SLC4A7: variants seen among roughly 807,000 people sequenced by gnomAD.
SLC4A7 encodes sodium bicarbonate cotransporter 3.
In SLC4A7, 51 loss-of-function variants were observed where a neutral mutation model predicts 137.6. The ratio of observed to expected loss-of-function variants is 0.37; its 90% CI spans 0.30 to 0.47. The LOEUF (loss-of-function observed/expected upper bound fraction) is 0.47, where lower values mean the gene tolerates loss of function less well. Among genes scored for constraint, SLC4A7 ranks in the 20% least tolerant of loss-of-function variants. The pLI, the probability that SLC4A7 is intolerant of heterozygous loss-of-function variation, is 1.00. For synonymous variants in SLC4A7, 542 were observed against 518.6 expected (o/e 1.05, Z -0.61); for missense variants, 1,247 against 1,525.4 (o/e 0.82, Z 3.04).
intron 4 of SLC4A7, 112 bp downstream of exon 4, chr3:27,437,276 G>A: frequency 1.9e-6 from 1 of 522,718 alleles, no homozygotes; most frequent in South Asian, 5.5e-5. Context: ...ACTTGAACCT[G>A]GGAGGCAGAA....
In SLC4A7 at chr3:27,424,121, T is replaced by C. The variant is rs202237866; in HGVS notation, c.1182A>G (p.Gly394=). ...CTCCACTTTTACTATTGTCCAAGTT[T>C]CCAGGAGCAGACTGGGGAGAGGCCA... ...GILASPQSAP[G]NLDNSKSGEI... Residue 394 remains glycine (G), a synonymous_variant, in exon 8 of 26, where the codon GGA becomes GGG. Coordinates refer to ENST00000454389, the MANE Select transcript of SLC4A7 (RefSeq NM_001321103.2). 1 of 1,610,858 alleles carries C rather than the reference T, an allele frequency of 6.2e-7. No individual in the cohort carries two copies. Among genetic ancestry groups the C allele is most frequent in the Non-Finnish European group, 8.5e-7 (1 of 1,178,282 alleles).
chr3:27,428,268 C>G (rs573188737), intron 7 of SLC4A7: 1 of 154,386 alleles, frequency 6.5e-6, no homozygotes, highest in Non-Finnish European at 1.5e-5. Flanking sequence ...GTAAGTGGAC[C>G]TGAGTTCAAA....
At chr3:27,437,661 G>T in intron 3 of SLC4A7, 135 bp from the exon 4 acceptor site, 1 of 405,284 alleles carries the variant, frequency 2.5e-6, no homozygotes. Context: ...CTTAATTATT[G>T]AACTATCACA....
At chr3:27,460,615 C>T in intron 1 of SLC4A7, among the ~76,000 whole-genome samples, 1 of 152,126 alleles carries the variant, frequency 6.6e-6, no homozygotes, top group Non-Finnish European at 1.5e-5. Context: ...GGTGTTTTCC[C>T]CTAGTTTGTC....
At chr3:27,428,066 C>T (rs905910908) in intron 7 of SLC4A7, among the ~76,000 whole-genome samples, 3 of 152,152 alleles carry the variant, frequency 2.0e-5, no homozygotes, top group Non-Finnish European at 2.9e-5. Flanking sequence ...AAGGAAGTAG[C>T]TTTTAAAATC....
intron 1 of SLC4A7, among the ~76,000 whole-genome samples, chr3:27,458,209 T>G (rs975595560): frequency 6.6e-6 from 1 of 152,182 alleles, no homozygotes; most frequent in Non-Finnish European, 1.5e-5. Flanking sequence ...TTCATCAAAG[T>G]GCTCTTTGTG....
intron 2 of SLC4A7, 47 bp downstream of exon 2, chr3:27,452,370 A>C (rs2058131632): frequency 8.4e-7 from 1 of 1,193,462 alleles, no homozygotes; most frequent in South Asian, 1.4e-5. Flanking sequence ...AACATTAATT[A>C]GTAAATTATC....
rs1477348883 is a variant in SLC4A7 at position 27,437,424 on chromosome 3, C to T, written c.392G>A (p.Arg131Lys). The change falls in exon 4 of 26, where the codon AGA (arginine) becomes AAA (lysine). Residue 131 changes from arginine to lysine, a missense_variant. Coordinates refer to ENST00000454389, the MANE Select transcript of SLC4A7 (RefSeq NM_001321103.2). ...LFTEMDELCY[R>K]DGEEYEWKET... ...TTTCCATTCATATTCTTCTCCATCT[C>T]TGTAACACAGTTCATCCATTTCCGT... 2 of 1,602,920 alleles carry T rather than the reference C, an allele frequency of 1.2e-6. No homozygotes were observed. The highest frequency in any genetic ancestry group is 1.7e-6 in the Non-Finnish European group (2 of 1,174,188).
chr3:27,445,061 A>G (rs2057482350), intron 3 of SLC4A7, among the ~76,000 whole-genome samples: 1 of 152,210 alleles, frequency 6.6e-6, no homozygotes, highest in Non-Finnish European at 1.5e-5. Flanking sequence ...ACTCTATCCA[A>G]TACCCTGTAT....
intron 23 of SLC4A7, 23 bp from the exon 24 acceptor site, chr3:27,383,273 G>C (rs1474942540): frequency 1.3e-6 from 2 of 1,485,752 alleles, no homozygotes; most frequent in Non-Finnish European, 1.9e-6. Flanking sequence ...TGTGTGAAGA[G>C]GTTACTTTTC....
At chr3:27,387,162 C>A (rs574512432) in intron 22 of SLC4A7, among the ~76,000 whole-genome samples, 1 of 152,276 alleles carries the variant, frequency 6.6e-6, no homozygotes, top group East Asian at 1.9e-4. Flanking sequence ...AGCACACGAA[C>A]AGTGAAGTAG....
rs746665657 is a variant in SLC4A7 at position 27,411,647 on chromosome 3, A to C, written c.1761T>G (p.Thr587=). ...ATATCAGTATTTGCACCCACCGTCC[A>C]GTCCTCTGTAGCTCAGGCCCAGCAT... The part of the protein sequence containing the change: ...AHHAGPELQR[T]GRLFGGLILD... Residue 587 remains threonine, a synonymous_variant, in exon 12 of 26, where the codon ACT becomes ACG. Coordinates refer to ENST00000454389, the MANE Select transcript of SLC4A7 (RefSeq NM_001321103.2). 1 of 1,527,294 alleles carries C rather than the reference A, an allele frequency of 6.5e-7. No individual in the cohort carries two copies. Among genetic ancestry groups the C allele is most frequent in the South Asian group, 1.3e-5 (1 of 78,386 alleles). 94.6% of individuals were successfully genotyped at this position (1,527,294 alleles called of 1,614,324 possible).
intron 3 of SLC4A7, 115 bp from the exon 4 acceptor site, chr3:27,437,641 T>A: frequency 2.1e-6 from 1 of 473,882 alleles, no homozygotes; most frequent in Non-Finnish European, 3.4e-6. Context: ...ATATATTTCA[T>A]CAAAACTCTC....
chr3:27,420,015 C>G (rs192491917), intron 10 of SLC4A7, among the ~76,000 whole-genome samples: 2 of 151,804 alleles, frequency 1.3e-5, no homozygotes, highest in Non-Finnish European at 2.9e-5. Flanking sequence ...GGTGAAACCC[C>G]GTCTCTACTA....
At chr3:27,404,575 A>C (rs1486166229) in intron 14 of SLC4A7, among the ~76,000 whole-genome samples, 1 of 152,220 alleles carries the variant, frequency 6.6e-6, no homozygotes, top group Non-Finnish European at 1.5e-5. Flanking sequence ...ATTTGTATTT[A>C]GCCCTCAAGT....
At chr3:27,482,495 G>A (rs966014152) in intron 1 of SLC4A7, among the ~76,000 whole-genome samples, 141 of 152,308 alleles carry the variant, frequency 9.3e-4, no homozygotes, top group African/African-American at 3.3e-3. Flanking sequence ...AGAAGGCCAG[G>A]CGCGGTGGCT....
chr3:27,384,104 A>T (rs778547967), intron 23 of SLC4A7, among the ~76,000 whole-genome samples: 4 of 152,164 alleles, frequency 2.6e-5, no homozygotes, highest in African/African-American at 4.8e-5. Context: ...GAGAACATTC[A>T]TATTTCTTTT....
In SLC4A7 at chr3:27,375,016, T is replaced by C. The variant is rs559607344; in HGVS notation, c.*1748A>G. 6.6e-6 allele frequency: 1 copy of C among 152,338 alleles called. No homozygotes were observed. Among genetic ancestry groups the C allele is most frequent in the East Asian group, 1.9e-4 (1 of 5,192 alleles). The allele number at this position is 152,338 out of a possible 1,614,324, so 9.4% of individuals were successfully genotyped here. The stretch of plus-strand genomic sequence containing the variant: ...GTACCAAATGATGACAGCTACATAT[T>C]TTCTAAAGAAAAGCAGCTACATTTC... On this transcript the variant is annotated 3_prime_UTR_variant, in exon 26 of 26. Transcript: ENST00000454389.
At chr3:27,466,981 A>C (rs920619507) in intron 1 of SLC4A7, among the ~76,000 whole-genome samples, 3 of 152,234 alleles carry the variant, frequency 2.0e-5, no homozygotes, top group African/African-American at 7.2e-5. Flanking sequence ...AGTATTCCAC[A>C]GTCATACACT....
Sources: gnomAD v4.1 joint callset for allele counts (sites outside exome capture counted in the v4.1 genomes callset) on GRCh38, gnomAD v4.1.1 for gene constraint, MANE v1.5 for transcripts, NCBI Gene and HGNC (gene_info 2026-07-23, HGNC 2026-07-21) for gene names.